Variants in DPP10 observed in about 807,000 individuals in gnomAD.
The protein encoded by DPP10 is dipeptidyl peptidase like 10.
In DPP10, 33 loss-of-function variants were observed where a neutral mutation model predicts 120.9. The observed-to-expected ratio is 0.27, with a 90% CI of 0.21 to 0.37. The LOEUF is 0.37. Among genes scored for constraint, DPP10 ranks in the 10% least tolerant of loss-of-function variants. The pLI is 1.00. For synonymous variants in DPP10, 337 were observed against 326.1 expected (o/e 1.03, Z -0.36); for missense variants, 816 against 942.8 (o/e 0.87, Z 1.76).
chr2:115,189,029 G>A (rs990608732), intron 1 of DPP10, among the ~76,000 whole-genome samples: 1 of 152,166 alleles, frequency 6.6e-6, no homozygotes, highest in African/African-American at 2.4e-5. Flanking sequence ...ACACACATAT[G>A]TACAAATATA....
intron 3 of DPP10, among the ~76,000 whole-genome samples, chr2:115,481,562 G>A (rs1427778635): frequency 6.6e-6 from 1 of 152,072 alleles, no homozygotes; most frequent in Non-Finnish European, 1.5e-5. Context: ...CATCATGGAT[G>A]AAATGAAGTC....
chr2:114,594,992 T>G (rs1032601931), intron 1 of DPP10, among the ~76,000 whole-genome samples: 1 of 152,120 alleles, frequency 6.6e-6, no homozygotes, highest in Non-Finnish European at 1.5e-5. Flanking sequence ...GATTATTCTC[T>G]CTTGGTGTTT....
chr2:115,723,615 G>GTTTTTTT (rs1288062873), intron 7 of DPP10, among the ~76,000 whole-genome samples: 1 of 29,800 alleles, frequency 3.4e-5, no homozygotes, highest in African/African-American at 4.5e-5. Flanking sequence ...TGTTGTTGTT[G>GTTTTTTT]TTTTTTGTTT....
At chr2:115,625,947 T>C (rs748225343) in intron 5 of DPP10, among the ~76,000 whole-genome samples, 2 of 151,980 alleles carry the variant, frequency 1.3e-5, no homozygotes, top group Non-Finnish European at 2.9e-5. Flanking sequence ...GAATGTATGA[T>C]ATTTTTTCTC....
At chr2:114,522,218 T>G (rs1290083190) in intron 1 of DPP10, among the ~76,000 whole-genome samples, 1 of 150,874 alleles carries the variant, frequency 6.6e-6, no homozygotes, top group Non-Finnish European at 1.5e-5. Flanking sequence ...TCTCCTGACC[T>G]CATGATCCGC....
intron 1 of DPP10, among the ~76,000 whole-genome samples, chr2:114,686,739 G>A (rs1057355384): frequency 3.3e-5 from 5 of 151,802 alleles, no homozygotes; most frequent in African/African-American, 1.2e-4. Flanking sequence ...CCTGAGCCAG[G>A]AAAAAACGCA....
chr2:114,953,065 C>T (rs1484825972), intron 1 of DPP10, among the ~76,000 whole-genome samples: 1 of 150,816 alleles, frequency 6.6e-6, no homozygotes, highest in Non-Finnish European at 1.5e-5. Context: ...TGTGTCAGTA[C>T]CCAGTAATCC....
intron 1 of DPP10, among the ~76,000 whole-genome samples, chr2:115,071,157 G>T (rs1438610337): frequency 6.6e-6 from 1 of 152,142 alleles, no homozygotes; most frequent in Non-Finnish European, 1.5e-5. Flanking sequence ...CAAAGAGTCA[G>T]CAATAGAAAA....
intron 5 of DPP10, among the ~76,000 whole-genome samples, chr2:115,559,059 AC>A (rs1338893327): frequency 1.3e-5 from 2 of 152,242 alleles, no homozygotes; most frequent in African/African-American, 4.8e-5. Flanking sequence ...GGAAATCATT[AC>A]AGCATATCAT....
chr2:115,773,365 A>G (rs753390804), intron 13 of DPP10, among the ~76,000 whole-genome samples: 14 of 152,132 alleles, frequency 9.2e-5, no homozygotes, highest in Non-Finnish European at 1.3e-4. Context: ...AACTTCCTTG[A>G]GCAAGATAAA....
intron 1 of DPP10, among the ~76,000 whole-genome samples, chr2:115,193,983 G>C (rs2055069210): frequency 6.6e-6 from 1 of 152,158 alleles, no homozygotes; most frequent in African/African-American, 2.4e-5. Flanking sequence ...GCTGGGTTAA[G>C]TGAATTATCA....
chr2:114,684,101 T>C (rs985400860), intron 1 of DPP10, among the ~76,000 whole-genome samples: 3 of 151,962 alleles, frequency 2.0e-5, no homozygotes, highest in Admixed American at 2.0e-4. Flanking sequence ...CAGTAAGTCA[T>C]GCACAGCATT....
At chr2:115,471,923 C>G (rs1359517303) in intron 3 of DPP10, among the ~76,000 whole-genome samples, 1 of 152,120 alleles carries the variant, frequency 6.6e-6, no homozygotes, top group Admixed American at 6.5e-5. Flanking sequence ...TCAGCCAGAC[C>G]AGGATTCTTT....
intron 5 of DPP10, among the ~76,000 whole-genome samples, chr2:115,553,444 A>G (rs1189098413): frequency 2.0e-5 from 3 of 152,082 alleles, no homozygotes; most frequent in African/African-American, 4.8e-5. Flanking sequence ...CAAATCTGTC[A>G]TTTCATACAT....
intron 3 of DPP10, among the ~76,000 whole-genome samples, chr2:115,439,864 T>C (rs931008605): frequency 5.0e-5 from 6 of 120,532 alleles, no homozygotes; most frequent in Admixed American, 2.4e-4. Context: ...GCAGAACTAA[T>C]TAAAAACTGG....
chr2:115,523,411 A>C lies in DPP10; in HGVS notation c.367-2487A>C, dbSNP rs1368183813. 9.3e-5 allele frequency among the ~76,000 whole-genome samples: 14 copies of C among 151,118 alleles called. No homozygotes were observed. The East Asian group carries it at 2.1e-3, about 23-fold the overall frequency. On this transcript the variant is annotated intron_variant, in intron 4 of 25. Transcript: ENST00000410059. ...GAGAAGCTCTCAAAAAAAAAAAAAA[A>C]AAAAAAAAAAACCCTCCTGCTAGTG... is the stretch of plus-strand genomic sequence containing the variant.
At chr2:114,861,384 C>A (rs187830752) in intron 1 of DPP10, among the ~76,000 whole-genome samples, 1 of 152,130 alleles carries the variant, frequency 6.6e-6, no homozygotes, top group African/African-American at 2.4e-5. Context: ...AAGACTATGG[C>A]GAAGACTTTG....
intron 5 of DPP10, among the ~76,000 whole-genome samples, chr2:115,556,217 T>C (rs2080200977): frequency 1.3e-5 from 2 of 151,970 alleles, no homozygotes; most frequent in Non-Finnish European, 1.5e-5. Context: ...CGAATACAAA[T>C]ATTGAAAAAA....
At chr2:114,615,770 A>G (rs1366836205) in intron 1 of DPP10, among the ~76,000 whole-genome samples, 1 of 152,150 alleles carries the variant, frequency 6.6e-6, no homozygotes, top group East Asian at 1.9e-4. Context: ...GACATAAATT[A>G]GTTTGGATAG....
Sources: allele counts gnomAD v4.1 joint callset (sites outside exome capture counted in the v4.1 genomes callset), GRCh38; gene constraint gnomAD v4.1.1; transcripts MANE v1.5; gene names NCBI Gene and HGNC (gene_info 2026-07-23, HGNC 2026-07-21).